Variants in PLCB4 observed in about 807,000 individuals in gnomAD.
PLCB4 encodes phospholipase C beta 4, also known as 1-phosphatidylinositol 4,5-bisphosphate phosphodiesterase beta-4.
A neutral mutation model predicts 178.8 loss-of-function variants in PLCB4; 77 were observed. That is an observed-to-expected ratio of 0.43 (90% CI 0.36 to 0.52). The LOEUF (loss-of-function observed/expected upper bound fraction) is 0.52, where lower values mean the gene tolerates loss of function less well. Among genes scored for constraint, PLCB4 ranks in the 20% least tolerant of loss-of-function variants. The pLI is 0.00. For missense variants in PLCB4, 1,024 were observed against 1,453.4 expected, an observed-to-expected ratio of 0.70 and a Z score of 4.80; for synonymous variants, 496 against 490.8, an observed-to-expected ratio of 1.01 and a Z score of -0.14.
chr20:9,125,850 A>G (rs1164500140), intron 2 of PLCB4, among the ~76,000 whole-genome samples: 2 of 152,158 alleles, frequency 1.3e-5, no homozygotes, highest in South Asian at 2.1e-4. Context: ...GCCAGGCACA[A>G]TGTGAGGCAA....
chr20:9,102,773 C>T (rs770377061), intron 2 of PLCB4, among the ~76,000 whole-genome samples: 20 of 152,010 alleles, frequency 1.3e-4, no homozygotes, highest in Non-Finnish European at 2.2e-4. Context: ...AAAAATAAGA[C>T]ATTATTAATA....
At chr20:9,370,650 G>A (rs1295190459) in intron 9 of PLCB4, among the ~76,000 whole-genome samples, 1 of 152,122 alleles carries the variant, frequency 6.6e-6, no homozygotes, top group Non-Finnish European at 1.5e-5. Flanking sequence ...GCTCATGCCT[G>A]TAATCCTAGC....
intron 19 of PLCB4, among the ~76,000 whole-genome samples, chr20:9,400,673 T>C (rs944633916): frequency 1.3e-5 from 2 of 152,202 alleles, no homozygotes; most frequent in Non-Finnish European, 2.9e-5. Flanking sequence ...GCAAATTCTT[T>C]ATCTGGGAAT....
rs1398697264 is a variant in PLCB4, at chr20:9,429,897, A to G, written c.2525-5663A>G. On this transcript the variant is annotated intron_variant, in intron 28 of 39. Transcript: ENST00000378473. ...AAATGCCATTCTTCTGCATTGTTCT[A>G]TAACTCCAGCTACAGAATGAACACC... is the stretch of plus-strand genomic sequence containing the variant. 2.6e-5 allele frequency among the ~76,000 whole-genome samples: 4 copies of G among 152,146 alleles called. No homozygotes were observed. In the South Asian group the frequency reaches 6.2e-4, roughly 24 times the overall value.
At chr20:9,233,349 G>A (rs2093955132) in intron 3 of PLCB4, among the ~76,000 whole-genome samples, 1 of 152,000 alleles carries the variant, frequency 6.6e-6, no homozygotes, top group Non-Finnish European at 1.5e-5. Context: ...ACCAAGCACT[G>A]TTCTAAGCAC....
At chr20:9,151,903 A>T (rs142245261) in intron 2 of PLCB4, among the ~76,000 whole-genome samples, 1 of 152,172 alleles carries the variant, frequency 6.6e-6, no homozygotes, top group Admixed American at 6.5e-5. Flanking sequence ...TGATATAGAC[A>T]ATAAAATCCA....
chr20:9,182,985 T>A (rs1356427815), intron 2 of PLCB4, among the ~76,000 whole-genome samples: 1 of 152,180 alleles, frequency 6.6e-6, no homozygotes, highest in Non-Finnish European at 1.5e-5. Context: ...GGATTCAACG[T>A]GTCTTTCTGC....
At chr20:9,409,418 G>T (rs941237961) in intron 24 of PLCB4, among the ~76,000 whole-genome samples, 1 of 151,530 alleles carries the variant, frequency 6.6e-6, no homozygotes, top group Admixed American at 6.6e-5. Flanking sequence ...TAAATGCCAT[G>T]ACTATTCCTG....
intron 3 of PLCB4, among the ~76,000 whole-genome samples, chr20:9,228,694 A>G (rs890653023): frequency 1.3e-5 from 2 of 152,188 alleles, no homozygotes; most frequent in Non-Finnish European, 2.9e-5. Context: ...TTATGTGTAT[A>G]TGTATTAGAC....
intron 3 of PLCB4, among the ~76,000 whole-genome samples, chr20:9,295,982 G>T (rs1360544364): frequency 6.6e-6 from 1 of 152,108 alleles, no homozygotes; most frequent in Non-Finnish European, 1.5e-5. Context: ...AAAAGCAATG[G>T]CAACAAAAGC....
At chr20:9,410,891 C>T in intron 24 of PLCB4, 146 bp from the exon 25 acceptor site, 1 of 611,972 alleles carries the variant, frequency 1.6e-6, no homozygotes, top group Non-Finnish European at 2.9e-6. Context: ...GAGAGTATGC[C>T]TTAAATAGAC....
chr20:9,093,587 A>T (rs560239570), intron 1 of PLCB4, among the ~76,000 whole-genome samples: 1 of 151,166 alleles, frequency 6.6e-6, no homozygotes, highest in Admixed American at 6.6e-5. Context: ...TTTAATCATC[A>T]CATCTCACGT....
intron 2 of PLCB4, among the ~76,000 whole-genome samples, chr20:9,101,497 A>C (rs2146632763): frequency 6.6e-6 from 1 of 152,292 alleles, no homozygotes; most frequent in African/African-American, 2.4e-5. Flanking sequence ...ATGGAGCATA[A>C]ATTATGCGAG....
chr20:9,337,892 A>T (rs1011116942), intron 5 of PLCB4, 116 bp from the exon 6 acceptor site: 12 of 662,260 alleles, frequency 1.8e-5, no homozygotes, highest in Admixed American at 1.7e-4. Context: ...TTCCCTCTTC[A>T]AGCTGACTGT....
intron 3 of PLCB4, among the ~76,000 whole-genome samples, chr20:9,233,996 A>G (rs1280167270): frequency 6.6e-6 from 1 of 152,182 alleles, no homozygotes; most frequent in African/African-American, 2.4e-5. Flanking sequence ...CTATTGGATT[A>G]ACACAAGAGT....
chr20:9,251,406 A>G (rs1459585757), intron 3 of PLCB4, among the ~76,000 whole-genome samples: 1 of 152,236 alleles, frequency 6.6e-6, no homozygotes, highest in Non-Finnish European at 1.5e-5. Context: ...TAACATTTAA[A>G]AAGCACTGAT....
chr20:9,226,489 G>A (rs908881964), intron 3 of PLCB4, among the ~76,000 whole-genome samples: 1 of 152,176 alleles, frequency 6.6e-6, no homozygotes, highest in African/African-American at 2.4e-5. Context: ...TGGGAAGAAT[G>A]TGAGCTCTGA....
intron 1 of PLCB4, among the ~76,000 whole-genome samples, chr20:9,086,779 A>T (rs1490359310): frequency 6.6e-6 from 1 of 152,204 alleles, no homozygotes; most frequent in Non-Finnish European, 1.5e-5. Flanking sequence ...AAGGTTTCGA[A>T]AAGGAAATTG....
At chr20:9,310,991 CA>C (rs1233082025) in intron 4 of PLCB4, among the ~76,000 whole-genome samples, 3 of 152,164 alleles carry the variant, frequency 2.0e-5, no homozygotes, top group African/African-American at 7.2e-5. Flanking sequence ...TACTTAAATG[CA>C]AAATATATTT....
Sources: gnomAD v4.1 joint callset for allele counts (sites outside exome capture counted in the v4.1 genomes callset) on GRCh38, gnomAD v4.1.1 for gene constraint, MANE v1.5 for transcripts, NCBI Gene and HGNC (gene_info 2026-07-23, HGNC 2026-07-21) for gene names.